The following ZBTB44 variants were observed in gnomAD, a reference collection of about 807,000 sequenced individuals.
ZBTB44 encodes the protein zinc finger and BTB domain containing 44.
A neutral mutation model predicts 54.0 loss-of-function variants in ZBTB44; 15 were observed. The ratio of observed to expected loss-of-function variants is 0.28; its 90% CI spans 0.19 to 0.43. The LOEUF is 0.43. ZBTB44 is among the 20% of genes least tolerant of loss of function. The pLI is 1.00. For missense variants in ZBTB44, 487 were observed against 707.1 expected (o/e 0.69, Z 3.53); for synonymous variants, 230 against 250.1 (o/e 0.92, Z 0.76).
At chr11:130,244,771 C>G (rs564542953) in intron 2 of ZBTB44, among the ~76,000 whole-genome samples, 1 of 151,730 alleles carries the variant, frequency 6.6e-6, no homozygotes, top group African/African-American at 2.4e-5. Context: ...AATGAACATA[C>G]GGGATGAAAT....
chr11:130,272,705 G>C (rs747178096), intron 1 of ZBTB44, among the ~76,000 whole-genome samples: 1 of 149,846 alleles, frequency 6.7e-6, no homozygotes, highest in Admixed American at 6.6e-5. Flanking sequence ...TTTTTTTCAA[G>C]GAGTTTTAAA....
At chr11:130,252,255 G>A (rs957896325) in intron 2 of ZBTB44, among the ~76,000 whole-genome samples, 2 of 152,118 alleles carry the variant, frequency 1.3e-5, no homozygotes, top group Non-Finnish European at 2.9e-5. Context: ...ACGCAATACA[G>A]AAGCACCCAG....
intron 1 of ZBTB44, among the ~76,000 whole-genome samples, chr11:130,265,054 G>A (rs1451014725): frequency 1.3e-5 from 2 of 152,102 alleles, no homozygotes; most frequent in Non-Finnish European, 2.9e-5. Context: ...ATAAGACAGT[G>A]AACTTAATGT....
At chr11:130,307,418 C>T (rs535565178) in intron 1 of ZBTB44, among the ~76,000 whole-genome samples, 5 of 78,258 alleles carry the variant, frequency 6.4e-5, no homozygotes, top group African/African-American at 2.2e-4. Context: ...CAGCAAGACT[C>T]TGTCTCAAAA....
chr11:130,260,461 C>T (rs566036114), intron 2 of ZBTB44, among the ~76,000 whole-genome samples: 7 of 152,336 alleles, frequency 4.6e-5, no homozygotes, highest in Admixed American at 3.3e-4. Flanking sequence ...CATTTACTTT[C>T]ATATCTGCTT....
At chr11:130,279,464 G>A (rs1488948760) in intron 1 of ZBTB44, among the ~76,000 whole-genome samples, 1 of 152,150 alleles carries the variant, frequency 6.6e-6, no homozygotes, top group Non-Finnish European at 1.5e-5. Context: ...TTCGAGACCA[G>A]CCTGGCCAAC....
At chr11:130,308,221 C>T (rs1285361721) in intron 1 of ZBTB44, among the ~76,000 whole-genome samples, 2 of 152,162 alleles carry the variant, frequency 1.3e-5, no homozygotes, top group Non-Finnish European at 1.5e-5. Flanking sequence ...TGTCTAAGTA[C>T]ACTTTATGAT....
chr11:130,284,996 C>G (rs1324201819), intron 1 of ZBTB44: 1 of 154,552 alleles, frequency 6.5e-6, no homozygotes, highest in Non-Finnish European at 1.5e-5. Context: ...TCCATATACA[C>G]AAAACGATCT....
chr11:130,284,357 A>G (rs1174994669), intron 1 of ZBTB44, among the ~76,000 whole-genome samples: 1 of 152,230 alleles, frequency 6.6e-6, no homozygotes, highest in Non-Finnish European at 1.5e-5. Flanking sequence ...ACTAATAATC[A>G]CAAACACTTT....
intron 1 of ZBTB44, among the ~76,000 whole-genome samples, chr11:130,298,082 G>A (rs1336890496): frequency 3.3e-5 from 5 of 152,030 alleles, no homozygotes; most frequent in Admixed American, 2.6e-4. Flanking sequence ...AATAAAAAAT[G>A]TGTATGCTTC....
At chr11:130,285,695 A>G in intron 1 of ZBTB44, 2 of 270,904 alleles carry the variant, frequency 7.4e-6, no homozygotes, top group Non-Finnish European at 1.5e-5. Flanking sequence ...TCTCTTGAAT[A>G]GTTTGTCCTC....
intron 2 of ZBTB44, among the ~76,000 whole-genome samples, 169 bp from the exon 3 acceptor site, chr11:130,240,065 T>C (rs571156619): frequency 1.4e-5 from 2 of 142,724 alleles, no homozygotes; most frequent in African/African-American, 2.5e-5. Flanking sequence ...TTTTTGAGAC[T>C]GAGTCTCGCT....
chr11:130,246,995 T>C (rs914490337), intron 2 of ZBTB44, among the ~76,000 whole-genome samples: 1 of 152,194 alleles, frequency 6.6e-6, no homozygotes, highest in Non-Finnish European at 1.5e-5. Flanking sequence ...TCCTAGATAG[T>C]ATTTATTAAG....
intron 1 of ZBTB44, among the ~76,000 whole-genome samples, chr11:130,298,234 C>T (rs549132139): frequency 6.6e-6 from 1 of 152,080 alleles, no homozygotes; most frequent in East Asian, 1.9e-4. Context: ...CCTGGACCTC[C>T]CGAACTCAAG....
intron 1 of ZBTB44, among the ~76,000 whole-genome samples, chr11:130,263,256 T>TC (rs755681763): frequency 3.9e-5 from 6 of 152,150 alleles, no homozygotes; most frequent in Non-Finnish European, 8.8e-5. Flanking sequence ...CACATACCCT[T>TC]CCTGAAGTCA....
chr11:130,284,494 C>A (rs1026534493), intron 1 of ZBTB44, among the ~76,000 whole-genome samples: 2 of 152,090 alleles, frequency 1.3e-5, no homozygotes, highest in African/African-American at 4.8e-5. Context: ...AACGTCAGAG[C>A]TAGGGATGTC....
chr11:130,292,408 C>T (rs1365910879), intron 1 of ZBTB44, among the ~76,000 whole-genome samples: 1 of 152,126 alleles, frequency 6.6e-6, no homozygotes. Context: ...AGATTTTGCT[C>T]ACCCATGGGC....
At chr11:130,279,123 C>G (rs924480446) in intron 1 of ZBTB44, among the ~76,000 whole-genome samples, 8 of 151,926 alleles carry the variant, frequency 5.3e-5, no homozygotes, top group African/African-American at 1.9e-4. Context: ...TTTTTAGTGA[C>G]TAGCCGAATT....
At chr11:130,285,533 C>T (rs999584320) in intron 1 of ZBTB44, 2 of 208,658 alleles carry the variant, frequency 9.6e-6, no homozygotes, top group South Asian at 8.6e-5. Context: ...CTCAGGTGAT[C>T]TGCCTGCCTT....
Sources: allele counts gnomAD v4.1 joint callset (sites outside exome capture counted in the v4.1 genomes callset), GRCh38; gene constraint gnomAD v4.1.1; transcripts MANE v1.5; gene names NCBI Gene and HGNC (gene_info 2026-07-23, HGNC 2026-07-21).